AK9: variants seen among roughly 807,000 people sequenced by gnomAD.
The protein encoded by AK9 is adenylate kinase 9, also known as adenylate kinase domain containing 1.
A neutral mutation model predicts 239.6 loss-of-function variants in AK9; 191 were observed. The observed-to-expected ratio is 0.80, with a 90% CI of 0.71 to 0.90. The LOEUF (loss-of-function observed/expected upper bound fraction) is 0.90. Among genes scored for constraint, AK9 ranks in the 40% least tolerant of loss-of-function variants. The pLI, the probability that AK9 is intolerant of heterozygous loss-of-function variation, is 0.00. For synonymous variants in AK9, 689 were observed against 721.0 expected, an observed-to-expected ratio of 0.96 and a Z score of 0.71; for missense variants, 1,995 against 2,214.7, an observed-to-expected ratio of 0.90 and a Z score of 1.99.
At chr6:109,538,286 C>A (rs1782317548) in intron 27 of AK9, among the ~76,000 whole-genome samples, 1 of 152,164 alleles carries the variant, frequency 6.6e-6, no homozygotes, top group Non-Finnish European at 1.5e-5. Context: ...AATCTGGGTG[C>A]TCCTGTATTG....
At chr6:109,493,851 G>GT (rs1776766958) in intron 40 of AK9, 130 bp downstream of exon 40, 5 of 735,792 alleles carry the variant, frequency 6.8e-6, no homozygotes, top group Non-Finnish European at 1.1e-5. Context: ...GCCCTGTATT[G>GT]TATTTGCTAC....
At chr6:109,615,167 T>C (rs898213890) in intron 13 of AK9, among the ~76,000 whole-genome samples, 7 of 152,078 alleles carry the variant, frequency 4.6e-5, no homozygotes, top group Non-Finnish European at 1.0e-4. Context: ...TGGAGAGGTC[T>C]TCCCTGGGCA....
At position 109,560,048 on chromosome 6, in the gene AK9, C is replaced by T. The variant is rs550146568; in HGVS notation, c.2751+3549G>A. Among the ~76,000 whole-genome samples, 20 of 152,270 alleles carry T rather than the reference C, an allele frequency of 1.3e-4. No homozygotes were observed. In the East Asian group the frequency reaches 3.1e-3, roughly 23 times the overall value. ...GGACCTTTGTGATTACATTGGTCCA[C>T]GTGGATAATCCATGATAACTCCCTC... On this transcript the variant is annotated intron_variant, in intron 24 of 40. Transcript: ENST00000424296.
chr6:109,587,348 C>T (rs1490452459), intron 17 of AK9, among the ~76,000 whole-genome samples: 3 of 152,150 alleles, frequency 2.0e-5, no homozygotes, highest in African/African-American at 7.2e-5. Flanking sequence ...TATAATTTCT[C>T]CACCTCATTC....
chr6:109,526,994 C>G (rs1031040122), intron 29 of AK9, among the ~76,000 whole-genome samples: 10 of 152,122 alleles, frequency 6.6e-5, no homozygotes, highest in Non-Finnish European at 1.2e-4. Context: ...CTCTATTACT[C>G]TTCTCCGAGG....
In AK9 at chr6:109,550,283, T is replaced by G. The variant is rs766282774; in HGVS notation, c.2771A>C (p.Glu924Ala). The stretch of plus-strand genomic sequence containing the variant: ...TGTGTCTCCCAAATGCCTCTTTCTC[T>G]CCTTCATTTTATCTTCACCCTAGAA... ...EEEEGEDKMK[E>A]RKRHLGDTKH... The change falls in exon 25 of 41, where the codon GAG becomes GCG. Residue 924 changes from glutamate (E) to alanine (A), a missense_variant. Glu to Ala is a moderately radical substitution (Grantham distance 107). Transcript: ENST00000424296. 1.9e-6 allele frequency: 3 copies of G among 1,610,820 alleles called. No individual in the cohort carries two copies. Among genetic ancestry groups the G allele is most frequent in the East Asian group, 2.2e-5 (1 of 44,864 alleles).
intron 8 of AK9, among the ~76,000 whole-genome samples, chr6:109,648,442 A>G (rs925222969): frequency 7.9e-5 from 12 of 152,248 alleles, no homozygotes; most frequent in Non-Finnish European, 1.5e-4. Flanking sequence ...AGAAACTATC[A>G]TAAGAGAATA....
intron 20 of AK9, among the ~76,000 whole-genome samples, chr6:109,575,709 T>C (rs140426816): frequency 7.9e-5 from 12 of 152,202 alleles, no homozygotes; most frequent in Admixed American, 7.2e-4. Context: ...GTCTTTTTGT[T>C]TTTGGGTTCT....
chr6:109,655,001 T>C (rs1461142968), intron 8 of AK9, among the ~76,000 whole-genome samples: 1 of 152,188 alleles, frequency 6.6e-6, no homozygotes, highest in African/African-American at 2.4e-5. Context: ...TGCTTGGCTA[T>C]TCAGCAAGTG....
At chr6:109,645,481 T>A (rs1479708884) in intron 8 of AK9, among the ~76,000 whole-genome samples, 1 of 152,202 alleles carries the variant, frequency 6.6e-6, no homozygotes, top group Non-Finnish European at 1.5e-5. Context: ...AAGATCCAAC[T>A]GCGAGGCAGC....
chr6:109,680,607 C>T (rs546079593), intron 1 of AK9, among the ~76,000 whole-genome samples: 1 of 152,228 alleles, frequency 6.6e-6, no homozygotes, highest in East Asian at 1.9e-4. Context: ...ACAGAGAACA[C>T]CATGAAGATA....
chr6:109,591,029 G>C (rs550254989), intron 17 of AK9, among the ~76,000 whole-genome samples: 4 of 152,236 alleles, frequency 2.6e-5, no homozygotes, highest in Non-Finnish European at 5.9e-5. Context: ...ATGTCTGTTA[G>C]GTCCATTTGG....
At chr6:109,606,267 T>C (rs1322222077) in intron 17 of AK9, among the ~76,000 whole-genome samples, 1 of 151,624 alleles carries the variant, frequency 6.6e-6, no homozygotes, top group Non-Finnish European at 1.5e-5. Flanking sequence ...GATAGATAGA[T>C]AGATAGATAG....
At chr6:109,591,197 C>T (rs1030562450) in intron 17 of AK9, among the ~76,000 whole-genome samples, 4 of 152,036 alleles carry the variant, frequency 2.6e-5, no homozygotes, top group Non-Finnish European at 2.9e-5. Context: ...AATCTTGGTG[C>T]TGTGGTATTC....
intron 13 of AK9, among the ~76,000 whole-genome samples, chr6:109,615,258 C>T (rs200595653): frequency 8.6e-5 from 12 of 139,306 alleles, no homozygotes; most frequent in Admixed American, 1.4e-4. Flanking sequence ...GTTCCCTTGG[C>T]TTTTTTTTTT....
intron 31 of AK9, among the ~76,000 whole-genome samples, chr6:109,515,225 T>C (rs1779159854): frequency 6.6e-6 from 1 of 152,218 alleles, no homozygotes; most frequent in South Asian, 2.1e-4. Context: ...GGTATACTAG[T>C]AGGGCAAATC....
intron 32 of AK9, 97 bp downstream of exon 32, chr6:109,514,127 C>T: frequency 8.6e-7 from 1 of 1,168,298 alleles, no homozygotes; most frequent in Non-Finnish European, 1.2e-6. Context: ...TCTTTTTCTG[C>T]TGCAACCCAG....
At chr6:109,556,515 G>T (rs1785028026) in intron 24 of AK9, among the ~76,000 whole-genome samples, 1 of 152,062 alleles carries the variant, frequency 6.6e-6, no homozygotes, top group African/African-American at 2.4e-5. Flanking sequence ...GTATCTTAAT[G>T]GTGTTCTCTG....
At chr6:109,683,068 T>C (rs2128356428) in intron 1 of AK9, among the ~76,000 whole-genome samples, 1 of 152,336 alleles carries the variant, frequency 6.6e-6, no homozygotes, top group South Asian at 2.1e-4. Context: ...GTCAGCTTTA[T>C]CCCTGGGATG....
Sources: allele counts gnomAD v4.1 joint callset (sites outside exome capture counted in the v4.1 genomes callset), GRCh38; gene constraint gnomAD v4.1.1; transcripts MANE v1.5; gene names NCBI Gene and HGNC (gene_info 2026-07-23, HGNC 2026-07-21).